The following IL1RAPL1 variants were observed in gnomAD, a reference collection of about 807,000 sequenced individuals.
IL1RAPL1 encodes interleukin 1 receptor accessory protein like 1.
IL1RAPL1 carries 3 observed loss-of-function variants against 48.4 expected under a neutral mutation model. The ratio of observed to expected loss-of-function variants is 0.06; its 90% confidence interval spans 0.03 to 0.16. The LOEUF (loss-of-function observed/expected upper bound fraction) is 0.16, where lower values mean the gene tolerates loss of function less well. Among genes scored for constraint, IL1RAPL1 ranks in the 10% least tolerant of loss-of-function variants. The probability of loss-of-function intolerance (pLI) is 1.00; values close to 1 mark genes in which losing one functional copy is unlikely to be tolerated. For synonymous variants in IL1RAPL1, 185 were observed against 187.7 expected (o/e 0.99, Z 0.12); for missense variants, 349 against 530.6 (o/e 0.66, Z 3.36).
intron 6 of IL1RAPL1, among the ~76,000 whole-genome samples, chrX:29,898,735 AGTG>A (rs1932437884): frequency 8.9e-6 from 1 of 112,268 alleles, no homozygotes; most frequent in Admixed American, 9.5e-5. Flanking sequence ...AAATATATAA[AGTG>A]GTCATTTTCC....
intron 6 of IL1RAPL1, among the ~76,000 whole-genome samples, chrX:29,794,838 A>G (rs1228049661): frequency 1.8e-5 from 2 of 112,145 alleles, no homozygotes; most frequent in African/African-American, 6.5e-5. Context: ...TAAAATCTAT[A>G]TAGCAACTGA....
intron 6 of IL1RAPL1, among the ~76,000 whole-genome samples, chrX:29,857,684 A>C (rs1466155036): frequency 8.9e-6 from 1 of 111,768 alleles, no homozygotes; most frequent in Non-Finnish European, 1.9e-5. Context: ...AGACAGATTG[A>C]GAGGGGAAAA....
chrX:29,518,805 C>T (rs908367099), intron 5 of IL1RAPL1, among the ~76,000 whole-genome samples: 2 of 111,583 alleles, frequency 1.8e-5, no homozygotes, highest in African/African-American at 6.5e-5. Context: ...GTGACATGCT[C>T]CAACGTACGT....
chrX:29,004,164 G>A (rs1372467379), intron 2 of IL1RAPL1, among the ~76,000 whole-genome samples: 4 of 111,550 alleles, frequency 3.6e-5, no homozygotes, highest in Non-Finnish European at 3.8e-5. Flanking sequence ...AAAAAAAAAA[G>A]ATGAAGATAC....
chrX:29,709,195 C>G (rs1475230268), intron 6 of IL1RAPL1, among the ~76,000 whole-genome samples: 2 of 111,538 alleles, frequency 1.8e-5, no homozygotes, highest in African/African-American at 6.5e-5. Flanking sequence ...TTTTGTAGTC[C>G]TATCCAAGAA....
rs778310433 is a variant in IL1RAPL1 at position 29,952,181 on chromosome X, T to C, written c.1202-2341T>C. 2.7e-5 allele frequency among the ~76,000 whole-genome samples: 3 copies of C among 112,145 alleles called. No homozygotes were observed. The South Asian group carries it at 1.1e-3, about 41-fold the overall frequency. ...ACTGGTGTTCATATGTTGATATGGC[T>C]TTAAAATAATCTTAAGCCTAGAGAA... On this transcript the variant is annotated intron_variant, in intron 9 of 10. Transcript: ENST00000378993.
intron 2 of IL1RAPL1, among the ~76,000 whole-genome samples, chrX:28,930,870 T>C (rs1340826220): frequency 9.0e-6 from 1 of 111,019 alleles, no homozygotes; most frequent in Non-Finnish European, 1.9e-5. Flanking sequence ...CTCGATCTAC[T>C]GACCTCGTGA....
chrX:29,932,662 C>T (rs1452272027), intron 8 of IL1RAPL1, among the ~76,000 whole-genome samples: 1 of 111,525 alleles, frequency 9.0e-6, no homozygotes, highest in African/African-American at 3.3e-5. Flanking sequence ...ACAAATACCC[C>T]AACTGAATTT....
intron 1 of IL1RAPL1, among the ~76,000 whole-genome samples, chrX:28,718,552 G>A (rs1935532262): frequency 9.0e-6 from 1 of 111,598 alleles, no homozygotes; most frequent in Non-Finnish European, 1.9e-5. Context: ...TTCTCTGTAA[G>A]TGAAAGCTTT....
chrX:28,999,157 A>G (rs1925789422), intron 2 of IL1RAPL1, among the ~76,000 whole-genome samples: 1 of 111,033 alleles, frequency 9.0e-6, no homozygotes, highest in Admixed American at 9.6e-5. Flanking sequence ...TAATCTTCTC[A>G]TGTCCCATAG....
chrX:28,975,752 G>C (rs1048892164), intron 2 of IL1RAPL1, among the ~76,000 whole-genome samples: 2 of 112,093 alleles, frequency 1.8e-5, no homozygotes, highest in East Asian at 5.6e-4. Context: ...CTTACATGGT[G>C]ATAAATGTTT....
At chrX:29,623,915 T>C (rs1924540975) in intron 5 of IL1RAPL1, among the ~76,000 whole-genome samples, 1 of 112,020 alleles carries the variant, frequency 8.9e-6, no homozygotes, top group Non-Finnish European at 1.9e-5. Context: ...GATAACATCT[T>C]AGTCCTTATG....
intron 5 of IL1RAPL1, among the ~76,000 whole-genome samples, chrX:29,511,713 G>A (rs1056143100): frequency 9.0e-6 from 1 of 111,061 alleles, no homozygotes; most frequent in Non-Finnish European, 1.9e-5. Flanking sequence ...TTCAGTAAAC[G>A]AGCCAGATTT....
At chrX:28,844,263 TGAA>T (rs1921451405) in intron 2 of IL1RAPL1, among the ~76,000 whole-genome samples, 2 of 105,566 alleles carry the variant, frequency 1.9e-5, no homozygotes, top group Admixed American at 2.0e-4. Flanking sequence ...AATTTGAATT[TGAA>T]ATTCAAATTT....
chrX:29,080,993 T>TC (rs1491093060), intron 2 of IL1RAPL1, among the ~76,000 whole-genome samples: 759 of 38,231 alleles, frequency 0.02, 12 homozygotes, highest in South Asian at 0.034. Context: ...TCTTTCTTTC[T>TC]TTCTCTCTCT....
In IL1RAPL1 at chrX:29,848,450, A is replaced by C. The variant is rs189629956; in HGVS notation, c.779-69014A>C. Among the ~76,000 whole-genome samples, 246 of 110,739 alleles carry C rather than the reference A, an allele frequency of 2.2e-3. 1 individual carries two copies. The highest frequency in any genetic ancestry group is 0.017 in the Admixed American group (178 of 10,389). ...TCCAAAATATAGCAAAAAAAAAAAA[A>C]CATCCTATTATTTCATTCCAAAAGC... On this transcript the variant is annotated intron_variant, in intron 6 of 10. Transcript: ENST00000378993.
chrX:29,652,374 A>G (rs190372417), intron 5 of IL1RAPL1, among the ~76,000 whole-genome samples: 544 of 111,486 alleles, frequency 4.9e-3, no homozygotes, highest in Non-Finnish European at 6.5e-3. Context: ...TTAACCTACA[A>G]GTTGACATCT....
At chrX:29,154,439 C>T (rs748224097) in intron 2 of IL1RAPL1, among the ~76,000 whole-genome samples, 203 of 109,862 alleles carry the variant, frequency 1.8e-3, no homozygotes, top group African/African-American at 6.5e-3. Flanking sequence ...ACTCAGGAGG[C>T]TGAGGCAAGA....
chrX:29,915,273 G>A (rs1163410493), intron 6 of IL1RAPL1, among the ~76,000 whole-genome samples: 1 of 111,846 alleles, frequency 8.9e-6, no homozygotes, highest in African/African-American at 3.2e-5. Flanking sequence ...TCTTAGCCTG[G>A]GCGACAGAGG....
Sources: gnomAD v4.1 joint callset for allele counts (sites outside exome capture counted in the v4.1 genomes callset) on GRCh38, gnomAD v4.1.1 for gene constraint, MANE v1.5 for transcripts, NCBI Gene and HGNC (gene_info 2026-07-23, HGNC 2026-07-21) for gene names.